The following PALB2 variants were observed in gnomAD, a reference collection of about 807,000 sequenced individuals.
The protein encoded by PALB2 is mutant partner and localizer of BRCA2.
In PALB2, 82 loss-of-function variants were observed where a neutral mutation model predicts 107.4. That is an observed-to-expected ratio of 0.76 (90% CI 0.64 to 0.92). The LOEUF (loss-of-function observed/expected upper bound fraction) is 0.92, where lower values mean the gene tolerates loss of function less well. Among genes scored for constraint, PALB2 ranks in the 40% least tolerant of loss-of-function variants. The pLI is 0.00. For synonymous variants in PALB2, 489 were observed against 496.8 expected, an observed-to-expected ratio of 0.98 and a Z score of 0.21; for missense variants, 1,374 against 1,379.9, an observed-to-expected ratio of 1.00 and a Z score of 0.07.
At chr16:23,636,442 A>G (rs1359494176) in intron 3 of PALB2, 108 bp from the exon 4 acceptor site, 2 of 776,220 alleles carry the variant, frequency 2.6e-6, no homozygotes, top group Non-Finnish European at 3.9e-6. Flanking sequence ...TTTATTTAAG[A>G]AAGAATCAGT....
intron 4 of PALB2, among the ~76,000 whole-genome samples, chr16:23,632,859 C>T (rs76639146): frequency 1.3e-5 from 2 of 152,074 alleles, no homozygotes; most frequent in African/African-American, 4.8e-5. Context: ...TTTGGGAGGC[C>T]GAGGTGGGTA....
At chr16:23,638,832 C>T (rs1967131416) in intron 1 of PALB2, among the ~76,000 whole-genome samples, 1 of 152,122 alleles carries the variant, frequency 6.6e-6, no homozygotes, top group African/African-American at 2.4e-5. Flanking sequence ...GAGCCTAAGA[C>T]TGAATGAGGA....
chr16:23,629,155 A>C lies in PALB2; in HGVS notation c.2586+49T>G, dbSNP rs758916350. ...GACTGAATTCTTTTCAGTTCATTAAAGTTTTCATATGTAAGACACGAGACA... is the reference window on the plus strand; with the variant it reads ...GACTGAATTCTTTTCAGTTCATTAACGTTTTCATATGTAAGACACGAGACA... On this transcript the variant is annotated intron_variant, in intron 6 of 12. Coordinates refer to ENST00000261584, the MANE Select transcript of PALB2 (RefSeq NM_024675.4). The C allele has an allele frequency of 3.5e-6, 5 of 1,424,892 alleles. No homozygotes were observed. In the Admixed American group the frequency reaches 8.4e-5, roughly 24 times the overall value. 88.3% of individuals were successfully genotyped at this position (1,424,892 alleles called of 1,614,324 possible).
chr16:23,627,493 CA>C lies in PALB2; in HGVS notation c.2587-1097del, dbSNP rs749429582. On this transcript the variant is annotated intron_variant, in intron 6 of 12. Coordinates refer to ENST00000261584, the MANE Select transcript of PALB2 (RefSeq NM_024675.4). ...TGGGCGACAGAGCAAGACTCCGTCT[CA>C]AAAAAAAAAAAAAAAAAGAAAAATC... is the stretch of plus-strand genomic sequence containing the variant. Among the ~76,000 whole-genome samples the C allele has an allele frequency of 3.2e-3, 175 of 54,722 alleles. 1 individual carries two copies. The highest frequency in any genetic ancestry group is 7.5e-3 in the African/African-American group (107 of 14,214). The allele number at this position is 54,722 out of a possible 152,430, so 35.9% of individuals were successfully genotyped here.
intron 11 of PALB2, among the ~76,000 whole-genome samples, chr16:23,611,120 CTAT>C (rs1966579372): frequency 7.0e-6 from 1 of 143,274 alleles, no homozygotes; most frequent in Admixed American, 7.0e-5. Context: ...ATCTATCTAT[CTAT>C]CAATCTATCT....
chr16:23,619,062 AAAC>A (rs145057218), intron 10 of PALB2, among the ~76,000 whole-genome samples: 7,841 of 152,256 alleles, frequency 0.051, 300 homozygotes, highest in Admixed American at 0.099. Flanking sequence ...AAAAAAAAGA[AAAC>A]AAAAAAAGGT....
Position 23,629,920 on chromosome 16 carries a change from T to C in PALB2, c.2234A>G (p.Lys745Arg), listed in dbSNP as rs142343372. 8.1e-6 allele frequency: 13 copies of C among 1,614,018 alleles called. No homozygotes were observed. In the African/African-American group the frequency reaches 1.6e-4, roughly 20 times the overall value. The change falls in exon 5 of 13, where the codon AAA (lysine) becomes AGA (arginine). Residue 745 changes from lysine (K) to arginine (R), a missense_variant. Coordinates refer to ENST00000261584, the MANE Select transcript of PALB2 (RefSeq NM_024675.4). Reference sequence around the variant, plus strand: ...TCGTCCAGCAACTTCTGTAGATGCTTTTTCATAGGAGCCTTGAGGGCCAAA... The same window carrying C: ...TCGTCCAGCAACTTCTGTAGATGCTCTTTCATAGGAGCCTTGAGGGCCAAA... ...PAFGPQGSYE[K>R]ASTEVAGRTC...
intron 3 of PALB2, among the ~76,000 whole-genome samples, chr16:23,637,322 G>A (rs1363181173): frequency 6.6e-6 from 1 of 151,950 alleles, no homozygotes; most frequent in African/African-American, 2.4e-5. Flanking sequence ...AATTGAGAGG[G>A]AAAAAGAGCA....
rs926278722 is a variant in PALB2 at position 23,635,314 on chromosome 16, C to T, written c.1232G>A (p.Arg411Lys). The change falls in exon 4 of 13, where the codon AGA becomes AAA. Residue 411 changes from arginine (R) to lysine (K), a missense_variant. Coordinates refer to ENST00000261584, the MANE Select transcript of PALB2 (RefSeq NM_024675.4). ...GCAATTGGACATGCTTCGTGTTGTT[C>T]TAACATAATATTCTGCAGGAAACAG... ...GLLFPAEYYV[R>K]TTRSMSNCQR... is the part of the protein sequence containing the mutation. 1.2e-6 allele frequency: 2 copies of T among 1,614,040 alleles called. No individual in the cohort carries two copies. The highest frequency in any genetic ancestry group is 2.2e-5 in the East Asian group (1 of 44,876).
In PALB2 at chr16:23,603,273, A is replaced by C. The variant is rs1966390901; in HGVS notation, c.*186T>G. ...ATCAACCTAAAACCCTTTTTCTCAA[A>C]GTATACATAAATGTACATCCAAGAT... On this transcript the variant is annotated 3_prime_UTR_variant, in exon 13 of 13. Transcript: ENST00000261584. The C allele has an allele frequency of 5.2e-6, 3 of 580,368 alleles. No homozygotes were observed. Among genetic ancestry groups the C allele is most frequent in the Admixed American group, 3.1e-5 (1 of 32,744 alleles). The allele number at this position is 580,368 out of a possible 1,614,324, so 36.0% of individuals were successfully genotyped here. A position where few individuals can be genotyped will look rare whatever the true frequency, so the allele number is the denominator to read the frequency against.
At chr16:23,638,206 G>A (rs1967115517) in intron 1 of PALB2, 77 bp from the exon 2 acceptor site, 1 of 1,197,386 alleles carries the variant, frequency 8.4e-7, no homozygotes, top group Non-Finnish European at 1.3e-6. Flanking sequence ...GTGCTTGGCG[G>A]GGTCCCTTGG....
intron 10 of PALB2, 28 bp downstream of exon 10, chr16:23,621,334 G>C (rs145973806): frequency 7.1e-7 from 1 of 1,407,326 alleles, no homozygotes. Flanking sequence ...ACAGATGAGG[G>C]AACTGAGGAC....
intron 12 of PALB2, among the ~76,000 whole-genome samples, chr16:23,606,821 C>CTTTT (rs545664784): frequency 0.054 from 5,878 of 108,414 alleles, 370 homozygotes; most frequent in East Asian, 0.14. Context: ...CTGCACCCTG[C>CTTTT]TTTTTTTTTT....
In PALB2 at chr16:23,607,913, G is replaced by A. The variant is rs1966507273; in HGVS notation, c.3301C>T (p.Leu1101Phe). Residue 1101 changes from leucine (L) to phenylalanine (F), a missense_variant, in exon 12 of 13, where the codon CTC becomes TTC. Coordinates refer to ENST00000261584, the MANE Select transcript of PALB2 (RefSeq NM_024675.4). ...CAGTACAGCATCACACCCACGCTGA[G>A]AGTCGTCTTAGGGTTAATCACAATG... ...QLIVINPKTT[L>F]SVGVMLYCLP... 1 of 1,614,132 alleles carries A rather than the reference G, an allele frequency of 6.2e-7. No homozygotes were observed.
chr16:23,640,690 T>C lies in PALB2; in HGVS notation c.48+420A>G, dbSNP rs1597105166. On this transcript the variant is annotated intron_variant, in intron 1 of 12. Coordinates refer to ENST00000261584, the MANE Select transcript of PALB2 (RefSeq NM_024675.4). Reference sequence around the variant, plus strand: ...TATGAACATTCCCTTCTCCAAAAAATATACATAGGATTCCTTTTTGGTGGT... The same window carrying C: ...TATGAACATTCCCTTCTCCAAAAAACATACATAGGATTCCTTTTTGGTGGT... 1.6e-5 allele frequency: 4 copies of C among 253,212 alleles called. No individual in the cohort carries two copies. The East Asian group carries it at 2.3e-4, about 15-fold the overall frequency. The allele number at this position is 253,212 out of a possible 1,614,324, so 15.7% of individuals were successfully genotyped here.
At position 23,641,188 on chromosome 16, in the gene PALB2, G is replaced by A. The variant is rs200523571; in HGVS notation, c.-31C>T. The A allele has an allele frequency of 1.2e-6, 2 of 1,608,160 alleles. No individual in the cohort carries two copies. The highest frequency in any genetic ancestry group is 2.2e-5 in the East Asian group (1 of 44,704). Reference sequence around the variant, plus strand: ...AGGCGACAGAACGAAAAGAGCAGCCGTCGCCGACCCCAGGCCTGCCGACAC... The same window carrying A: ...AGGCGACAGAACGAAAAGAGCAGCCATCGCCGACCCCAGGCCTGCCGACAC... On this transcript the variant is annotated 5_prime_UTR_variant, in exon 1 of 13. It adds an upstream start codon to the 5' untranslated region. Coordinates refer to ENST00000261584, the MANE Select transcript of PALB2 (RefSeq NM_024675.4).
Position 23,635,779 on chromosome 16 carries a change from C to T in PALB2, c.767G>A (p.Ser256Asn), listed in dbSNP as rs935956250. The T allele has an allele frequency of 6.2e-7, 1 of 1,614,152 alleles. No homozygotes were observed. Among genetic ancestry groups the T allele is most frequent in the Non-Finnish European group, 8.5e-7 (1 of 1,180,024 alleles). Reference sequence around the variant, plus strand: ...GTGTTCAAGGTGCTGACTACTACCGCTATCTGATAGAGTCTGTAAAGGAAC... The same window carrying T: ...GTGTTCAAGGTGCTGACTACTACCGTTATCTGATAGAGTCTGTAAAGGAAC... ...TTVPLQTLSD[S>N]GSSQHLEHIP... Residue 256 changes from serine to asparagine, a missense_variant, in exon 4 of 13, where the codon AGC becomes AAC. Transcript: ENST00000261584.
Position 23,634,639 on chromosome 16 carries a change from T to TTTTATTTATTTA in PALB2, c.1684+211_1684+222dup, listed in dbSNP as rs60066032. ...CAACAGTGAGCCCCTGTCTCTTTAT[T>TTTTATTTATTTA]TTTATTTATTTATTTATTTATTTAT... On this transcript the variant is annotated intron_variant, in intron 4 of 12. Transcript: ENST00000261584. Among the ~76,000 whole-genome samples the TTTTATTTATTTA allele has an allele frequency of 2.6e-3, 378 of 146,888 alleles. 2 individuals are homozygous for TTTTATTTATTTA. Among genetic ancestry groups the TTTTATTTATTTA allele is most frequent in the Middle Eastern group, 0.011 (3 of 284 alleles).
At chr16:23,605,366 AG>A (rs1309164670) in intron 12 of PALB2, among the ~76,000 whole-genome samples, 1 of 152,094 alleles carries the variant, frequency 6.6e-6, no homozygotes, top group African/African-American at 2.4e-5. Context: ...AACAGTCACT[AG>A]TTTTCCCTTC....
Sources: allele counts gnomAD v4.1 joint callset (sites outside exome capture counted in the v4.1 genomes callset), GRCh38; gene constraint gnomAD v4.1.1; transcripts MANE v1.5; gene names NCBI Gene and HGNC (gene_info 2026-07-23, HGNC 2026-07-21).